The following SP140L variants were observed in gnomAD, a reference collection of about 807,000 sequenced individuals.
SP140L encodes nuclear body protein SP140-like protein.
Under a neutral mutation model 84.3 loss-of-function variants are expected in SP140L, and 64 were observed. The observed-to-expected ratio is 0.76, with a 90% CI of 0.62 to 0.94. SP140L has a LOEUF of 0.94. Ranked by LOEUF, SP140L falls within the 40% of genes least tolerant of loss-of-function variation. The pLI is 0.00. For missense variants in SP140L, 628 were observed against 692.5 expected (o/e 0.91, Z 1.05); for synonymous variants, 242 against 236.9 (o/e 1.02, Z -0.20).
chr2:230,393,441 A>C lies in SP140L; in HGVS notation c.1135A>C (p.Ile379Leu). The C allele has an allele frequency of 6.3e-7, 1 of 1,581,554 alleles. No homozygotes were observed. Among genetic ancestry groups the C allele is most frequent in the Non-Finnish European group, 8.6e-7 (1 of 1,166,054 alleles). The change falls in exon 13 of 19, where the codon ATA (isoleucine) becomes CTA (leucine). Residue 379 changes from isoleucine (I) to leucine (L), a missense_variant. This residue lies in a region of SP140L where 525 missense variants were observed against 518.4 expected (regional missense o/e 1.01). Coordinates refer to ENST00000415673, the MANE Select transcript of SP140L (RefSeq NM_138402.6). Reference sequence around the variant, plus strand: ...AGGATCTCTACCTAATCCTCCAAGAATATATTACAGGAACAAAAAGGTGAT... The same window carrying C: ...AGGATCTCTACCTAATCCTCCAAGACTATATTACAGGAACAAAAAGGTGAT... ...EEGSLPNPPR[I>L]YYRNKKRILK...
chr2:230,346,688 A>G (rs1056174006), intron 2 of SP140L, among the ~76,000 whole-genome samples: 3 of 151,846 alleles, frequency 2.0e-5, no homozygotes, highest in Admixed American at 2.0e-4. Flanking sequence ...TAAATTGTTC[A>G]GTTCAGTCAT....
intron 2 of SP140L, among the ~76,000 whole-genome samples, chr2:230,344,072 CTTTG>C (rs373641912): frequency 1.2e-3 from 182 of 152,150 alleles, no homozygotes; most frequent in African/African-American, 4.2e-3. Flanking sequence ...CCCTGAATAT[CTTTG>C]TTTATTTTCT....
intron 2 of SP140L, among the ~76,000 whole-genome samples, chr2:230,352,407 C>T (rs896108614): frequency 6.6e-6 from 1 of 152,106 alleles, no homozygotes; most frequent in African/African-American, 2.4e-5. Flanking sequence ...TGAAGGGAAG[C>T]AGGCACCTCT....
chr2:230,358,336 A>G (rs2060612052), intron 3 of SP140L, among the ~76,000 whole-genome samples: 1 of 152,228 alleles, frequency 6.6e-6, no homozygotes, highest in South Asian at 2.1e-4. Context: ...TAAAACCCAC[A>G]GGGAATTGGT....
intron 10 of SP140L, among the ~76,000 whole-genome samples, 179 bp from the exon 11 acceptor site, chr2:230,389,740 G>A (rs2061726222): frequency 6.6e-6 from 1 of 152,140 alleles, no homozygotes; most frequent in Admixed American, 6.5e-5. Flanking sequence ...GTGAAATTGG[G>A]GCACACATTC....
chr2:230,403,091 A>G lies in SP140L; in HGVS notation c.*195A>G. 1.9e-6 allele frequency: 1 copy of G among 529,488 alleles called. No homozygotes were observed. The highest frequency in any genetic ancestry group is 2.5e-5 in the South Asian group (1 of 40,290). 32.8% of individuals were successfully genotyped at this position (529,488 alleles called of 1,614,324 possible). A position where few individuals can be genotyped will look rare whatever the true frequency, so the allele number is the denominator to read the frequency against. On this transcript the variant is annotated 3_prime_UTR_variant, in exon 19 of 19. Transcript: ENST00000415673. ...CCCCAAGAATCTCATCAACCAGGGA[A>G]GAGGAACTGAGATCACAGGGAAGGA...
intron 7 of SP140L, among the ~76,000 whole-genome samples, chr2:230,374,371 A>G (rs1192295977): frequency 6.6e-6 from 1 of 152,062 alleles, no homozygotes; most frequent in African/African-American, 2.4e-5. Context: ...CTGTGATCTC[A>G]TGATAAAACT....
intron 2 of SP140L, among the ~76,000 whole-genome samples, chr2:230,354,528 G>A (rs2060457762): frequency 6.6e-6 from 1 of 152,236 alleles, no homozygotes; most frequent in Non-Finnish European, 1.5e-5. Context: ...AATTCTTTGG[G>A]AGGCCAAGGT....
At chr2:230,327,708 C>T (rs1478917534) in intron 1 of SP140L, among the ~76,000 whole-genome samples, 2 of 152,228 alleles carry the variant, frequency 1.3e-5, no homozygotes, top group African/African-American at 4.8e-5. Flanking sequence ...GCCCTCTCTA[C>T]CTTCACATAT....
intron 8 of SP140L, among the ~76,000 whole-genome samples, chr2:230,384,920 AAAAC>A (rs1485691282): frequency 6.6e-6 from 1 of 152,226 alleles, no homozygotes; most frequent in African/African-American, 2.4e-5. Flanking sequence ...TTTAAAAAAC[AAAAC>A]AAACAAACAA....
chr2:230,400,878 G>A, intron 15 of SP140L, 77 bp from the exon 16 acceptor site: 5 of 1,326,536 alleles, frequency 3.8e-6, no homozygotes, highest in Non-Finnish European at 5.1e-6. Context: ...ATTCCTGAAG[G>A]AAGACAGTGG....
chr2:230,399,484 A>T (rs2062210048), intron 14 of SP140L, among the ~76,000 whole-genome samples: 1 of 152,158 alleles, frequency 6.6e-6, no homozygotes, highest in African/African-American at 2.4e-5. Context: ...GCACCTTACA[A>T]TCCAAATTAG....
chr2:230,345,309 A>G (rs1202022266), intron 2 of SP140L, among the ~76,000 whole-genome samples: 10 of 152,204 alleles, frequency 6.6e-5, no homozygotes, highest in Non-Finnish European at 8.8e-5. Context: ...CAACATAAAG[A>G]TAGTTACCAC....
intron 2 of SP140L, among the ~76,000 whole-genome samples, chr2:230,348,106 G>A (rs951449603): frequency 3.3e-5 from 5 of 152,182 alleles, no homozygotes; most frequent in Admixed American, 2.6e-4. Context: ...TTTCCCCACT[G>A]GAGAAACTTT....
intron 9 of SP140L, 121 bp from the exon 10 acceptor site, chr2:230,388,438 T>C (rs1209007691): frequency 2.7e-6 from 2 of 727,554 alleles, no homozygotes; most frequent in African/African-American, 3.6e-5. Context: ...TTTAAATCTT[T>C]TTATTTATAT....
intron 2 of SP140L, among the ~76,000 whole-genome samples, chr2:230,354,579 G>T (rs191279401): frequency 6.6e-6 from 1 of 151,880 alleles, no homozygotes; most frequent in African/African-American, 2.4e-5. Flanking sequence ...ACCAGCATAG[G>T]CCACAAAGCA....
chr2:230,368,738 C>T (rs184623123), intron 5 of SP140L, among the ~76,000 whole-genome samples: 251 of 152,120 alleles, frequency 1.7e-3, no homozygotes, highest in African/African-American at 5.9e-3. Flanking sequence ...GATATTGATG[C>T]TCTTTGTTGC....
chr2:230,355,523 G>C (rs972176392), intron 2 of SP140L, among the ~76,000 whole-genome samples: 1 of 152,018 alleles, frequency 6.6e-6, no homozygotes, highest in African/African-American at 2.4e-5. Flanking sequence ...AATCCAAAAG[G>C]CTTTTCTCAT....
chr2:230,366,710 CTATTATTATTAT>C (rs60410770), intron 5 of SP140L, among the ~76,000 whole-genome samples: 12,710 of 144,512 alleles, frequency 0.088, 759 homozygotes, highest in Non-Finnish European at 0.13. Flanking sequence ...GGATTATTAT[CTATTATTATTAT>C]TATTATTATT....
Sources: gnomAD v4.1 joint callset for allele counts (sites outside exome capture counted in the v4.1 genomes callset) on GRCh38, gnomAD v4.1.1 for gene constraint, gnomAD v4.1.1 regional missense constraint, MANE v1.5 for transcripts, NCBI Gene and HGNC (gene_info 2026-07-23, HGNC 2026-07-21) for gene names.